The following MCU variants were observed in gnomAD, a reference collection of about 807,000 sequenced individuals.
The protein encoded by MCU is mitochondrial calcium uniporter, also known as calcium uniporter protein, mitochondrial.
A neutral mutation model predicts 45.2 loss-of-function variants in MCU; 12 were observed. The ratio of observed to expected loss-of-function variants is 0.27; its 90% CI spans 0.17 to 0.43. MCU has a LOEUF of 0.43. Ranked by LOEUF, MCU falls within the 20% of genes least tolerant of loss-of-function variation. MCU has a pLI of 1.00. For missense variants in MCU, 324 were observed against 436.7 expected (o/e 0.74, Z 2.30); for synonymous variants, 160 against 165.1 (o/e 0.97, Z 0.24).
intron 1 of MCU, among the ~76,000 whole-genome samples, chr10:72,812,112 TG>T (rs1844553095): frequency 6.6e-6 from 1 of 151,718 alleles, no homozygotes; most frequent in Admixed American, 6.6e-5. Context: ...GAGAGTAAAA[TG>T]CTTTTAATTT....
intron 1 of MCU, among the ~76,000 whole-genome samples, chr10:72,831,475 A>C (rs531736352): frequency 6.6e-6 from 1 of 152,310 alleles, no homozygotes; most frequent in African/African-American, 2.4e-5. Flanking sequence ...GTTATAACAT[A>C]AACTATAAAA....
At chr10:72,756,106 C>T (rs1843572725) in intron 1 of MCU, among the ~76,000 whole-genome samples, 1 of 152,146 alleles carries the variant, frequency 6.6e-6, no homozygotes, top group Admixed American at 6.5e-5. Flanking sequence ...CCCACCTCAG[C>T]TTCCAAAGTG....
At chr10:72,855,320 G>A (rs1845271319) in intron 2 of MCU, among the ~76,000 whole-genome samples, 1 of 152,144 alleles carries the variant, frequency 6.6e-6, no homozygotes, top group Non-Finnish European at 1.5e-5. Flanking sequence ...GCTCAATACT[G>A]TAATTCCAGC....
rs1365804704 is a variant in MCU, at chr10:72,704,708, T to C, written c.150+12407T>C. Among the ~76,000 whole-genome samples, 31 of 132,156 alleles carry C rather than the reference T, an allele frequency of 2.3e-4. 1 individual carries two copies. Among genetic ancestry groups the C allele is most frequent in the Non-Finnish European group, 3.1e-4 (19 of 61,726 alleles). The allele number at this position is 132,156 out of a possible 152,430, so 86.7% of individuals were successfully genotyped here. The stretch of plus-strand genomic sequence containing the variant: ...ATGCACTGTCATGCCTGGATAATTT[T>C]TTTTTTTTTTTTTTTTTTTTTTTTG... On this transcript the variant is annotated intron_variant, in intron 1 of 7. Coordinates refer to ENST00000373053, the MANE Select transcript of MCU (RefSeq NM_138357.3).
chr10:72,692,581 C>A, intron 1 of MCU: 1 of 1,097,786 alleles, frequency 9.1e-7, no homozygotes. Flanking sequence ...GGGACTTGAA[C>A]CTCTCCCCGA....
intron 1 of MCU, among the ~76,000 whole-genome samples, chr10:72,793,808 G>A (rs907916873): frequency 1.3e-5 from 2 of 152,048 alleles, no homozygotes; most frequent in African/African-American, 4.8e-5. Flanking sequence ...TGCTTTTCAT[G>A]ACCTAGCTTC....
chr10:72,712,646 A>T (rs1425047778), intron 1 of MCU, among the ~76,000 whole-genome samples: 1 of 152,212 alleles, frequency 6.6e-6, no homozygotes, highest in Non-Finnish European at 1.5e-5. Flanking sequence ...GCAAAAGAAA[A>T]GTAAGGTCTA....
At position 72,805,040 on chromosome 10, in the gene MCU, A is replaced by G. The variant is rs148892580; in HGVS notation, c.151-29319A>G. ...CTGCCTCTGCCTCCCAAAGTTGTGG[A>G]ATTACAGGCATGAGCCACCTCACCT... is the stretch of plus-strand genomic sequence containing the variant. On this transcript the variant is annotated intron_variant, in intron 1 of 7. Transcript: ENST00000373053. Among the ~76,000 whole-genome samples, 881 of 151,990 alleles carry G rather than the reference A, an allele frequency of 5.8e-3. 11 individuals are homozygous for G. Among genetic ancestry groups the G allele is most frequent in the African/African-American group, 0.02 (830 of 41,442 alleles).
chr10:72,818,374 T>C (rs1313727855), intron 1 of MCU, among the ~76,000 whole-genome samples: 1 of 152,238 alleles, frequency 6.6e-6, no homozygotes, highest in Admixed American at 6.5e-5. Flanking sequence ...CCACCGACGT[T>C]CTTTGACCTT....
chr10:72,860,894 C>T (rs941689111), intron 4 of MCU, among the ~76,000 whole-genome samples: 1 of 152,290 alleles, frequency 6.6e-6, no homozygotes. Context: ...ATAGGCTTCT[C>T]TGTTCTCTTA....
chr10:72,728,622 T>TA (rs1405252725), intron 1 of MCU, among the ~76,000 whole-genome samples: 1 of 152,114 alleles, frequency 6.6e-6, no homozygotes, highest in Admixed American at 6.5e-5. Flanking sequence ...GTCTTATACT[T>TA]ACAACAGGAA....
rs113770443 is a variant in MCU, at chr10:72,735,874, A to G, written c.150+43573A>G. Among the ~76,000 whole-genome samples the G allele has an allele frequency of 7.3e-3, 1,105 of 152,322 alleles. 13 individuals are homozygous for G. Among genetic ancestry groups the G allele is most frequent in the African/African-American group, 0.026 (1,062 of 41,570 alleles). On this transcript the variant is annotated intron_variant, in intron 1 of 7. Coordinates refer to ENST00000373053, the MANE Select transcript of MCU (RefSeq NM_138357.3). ...ATATTTGGTAATCATAGAACATTGC[A>G]GAATACTGGGGTTTAAAGTGTTAAT...
chr10:72,761,408 A>G (rs1324704531), intron 1 of MCU, among the ~76,000 whole-genome samples: 1 of 152,224 alleles, frequency 6.6e-6, no homozygotes, highest in Non-Finnish European at 1.5e-5. Flanking sequence ...ACCTATTTTC[A>G]TCTTGGAAAA....
intron 1 of MCU, among the ~76,000 whole-genome samples, chr10:72,770,477 TA>T (rs1196704270): frequency 6.6e-6 from 1 of 152,164 alleles, no homozygotes; most frequent in African/African-American, 2.4e-5. Context: ...TTTTTTGTGC[TA>T]TTACATTTTC....
chr10:72,805,155 C>CTTTCTT lies in MCU; in HGVS notation c.151-29199_151-29198insTTTTCT, dbSNP rs1359050918. 1.4e-3 allele frequency among the ~76,000 whole-genome samples: 200 copies of CTTTCTT among 138,854 alleles called. 1 individual carries two copies. The highest frequency in any genetic ancestry group is 8.6e-3 in the East Asian group (40 of 4,650). 91.1% of individuals were successfully genotyped at this position (138,854 alleles called of 152,430 possible). On this transcript the variant is annotated intron_variant, in intron 1 of 7. Transcript: ENST00000373053. ...TCTTTCTTTCTTTCTTTCTTTCTTT[C>CTTTCTT]TTTCTGTCTCTCTCTCTCTCTCTTT... is the stretch of plus-strand genomic sequence containing the variant.
chr10:72,806,220 C>G (rs1020253024), intron 1 of MCU, among the ~76,000 whole-genome samples: 8 of 146,928 alleles, frequency 5.4e-5, no homozygotes, highest in African/African-American at 2.0e-4. Flanking sequence ...TGCAATGGCA[C>G]TATCTTGGCT....
intron 1 of MCU, among the ~76,000 whole-genome samples, chr10:72,810,146 A>C (rs973514104): frequency 6.6e-6 from 1 of 152,164 alleles, no homozygotes; most frequent in Non-Finnish European, 1.5e-5. Flanking sequence ...GAGAAGAACT[A>C]ACTGAAGAAG....
chr10:72,723,180 A>C (rs945160437), intron 1 of MCU, among the ~76,000 whole-genome samples: 3 of 152,316 alleles, frequency 2.0e-5, no homozygotes, highest in South Asian at 2.1e-4. Context: ...TGGGCGACAG[A>C]GCGAGATTCT....
chr10:72,717,298 C>T (rs1006502149), intron 1 of MCU, among the ~76,000 whole-genome samples: 7 of 150,984 alleles, frequency 4.6e-5, no homozygotes, highest in African/African-American at 1.5e-4. Context: ...CTCGCTCTGT[C>T]GCGCAGGCTG....
Sources: allele counts gnomAD v4.1 joint callset (sites outside exome capture counted in the v4.1 genomes callset), GRCh38; gene constraint gnomAD v4.1.1; transcripts MANE v1.5; gene names NCBI Gene and HGNC (gene_info 2026-07-23, HGNC 2026-07-21).